TMEM63A: variants seen among roughly 807,000 people sequenced by gnomAD.
The protein encoded by TMEM63A is transmembrane protein 63A, also known as mechanosensitive cation channel TMEM63A.
In TMEM63A, 76 loss-of-function variants were observed where a neutral mutation model predicts 100.6. The ratio of observed to expected loss-of-function variants is 0.76; its 90% CI spans 0.63 to 0.91. TMEM63A has a LOEUF of 0.91. TMEM63A is among the 40% of genes least tolerant of loss of function. The probability of loss-of-function intolerance (pLI) is 0.00; values close to 1 mark genes in which losing one functional copy is unlikely to be tolerated. For synonymous variants in TMEM63A, 401 were observed against 401.1 expected (o/e 1.00, Z 0.00); for missense variants, 876 against 1,008.8 (o/e 0.87, Z 1.78).
At chr1:225,860,474 G>A (rs1354680502) in intron 14 of TMEM63A, 1 of 161,072 alleles carries the variant, frequency 6.2e-6, no homozygotes, top group East Asian at 1.8e-4. Flanking sequence ...GTGAAAAAGA[G>A]AATGTAAAAC....
At position 225,849,897 on chromosome 1, in the gene TMEM63A, A is replaced by G; in HGVS notation, c.2071+15T>C. 1.2e-6 allele frequency: 2 copies of G among 1,612,808 alleles called. No individual in the cohort carries two copies. The highest frequency in any genetic ancestry group is 1.7e-6 in the Non-Finnish European group (2 of 1,179,370). ...GGAGGCCAAGGGCTGGCCCCAGGTC[A>G]GAAGGGCTGCTCACCCAGGCGCAGG... On this transcript the variant is annotated intron_variant, in intron 21 of 24. Coordinates refer to ENST00000366835, the MANE Select transcript of TMEM63A (RefSeq NM_014698.3).
At chr1:225,871,719 A>C (rs963280411) in intron 5 of TMEM63A, 1 of 433,304 alleles carries the variant, frequency 2.3e-6, no homozygotes, top group Non-Finnish European at 4.1e-6. Context: ...CTGTCATACA[A>C]AGCCATAGGT....
chr1:225,869,220 C>G (rs1670370423), intron 6 of TMEM63A, among the ~76,000 whole-genome samples: 1 of 152,230 alleles, frequency 6.6e-6, no homozygotes, highest in African/African-American at 2.4e-5. Flanking sequence ...ATCAGCTTAG[C>G]AGGGGCTCAA....
At chr1:225,878,614 G>A (rs1670931738) in intron 2 of TMEM63A, among the ~76,000 whole-genome samples, 2 of 152,152 alleles carry the variant, frequency 1.3e-5, no homozygotes, top group Admixed American at 1.3e-4. Context: ...TGTGGCTGAA[G>A]GGCCAGAACA....
chr1:225,872,594 T>G (rs1670563949), intron 4 of TMEM63A, among the ~76,000 whole-genome samples: 1 of 152,172 alleles, frequency 6.6e-6, no homozygotes, highest in Admixed American at 6.5e-5. Flanking sequence ...TTGTGGCATT[T>G]TAATCAGATC....
chr1:225,857,120 G>T, intron 15 of TMEM63A, 103 bp from the exon 16 acceptor site: 1 of 1,013,566 alleles, frequency 9.9e-7, no homozygotes, highest in Non-Finnish European at 1.4e-6. Flanking sequence ...TCCCAGGGTA[G>T]GAGTTTGTCA....
intron 3 of TMEM63A, among the ~76,000 whole-genome samples, chr1:225,876,526 C>T (rs569294754): frequency 6.6e-6 from 1 of 152,304 alleles, no homozygotes; most frequent in East Asian, 1.9e-4. Flanking sequence ...AGCCAGCCAA[C>T]GTTGAGTCTG....
chr1:225,867,389 T>C lies in TMEM63A; in HGVS notation c.515-226A>G, dbSNP rs1316491621. ...CCTTCCATTGCAGGTAAAGGCATAA[T>C]GTGAATTCATTTTGTTTTGAGAAAA... On this transcript the variant is annotated intron_variant, in intron 7 of 24. Transcript: ENST00000366835. The surrounding 1 kb of genome is among the most constrained non-coding windows in gnomAD (Gnocchi z 4.6). 1.3e-5 allele frequency among the ~76,000 whole-genome samples: 2 copies of C among 152,180 alleles called. No individual in the cohort carries two copies. The highest frequency in any genetic ancestry group is 4.8e-5 in the African/African-American group (2 of 41,440).
intron 2 of TMEM63A, 25 bp from the exon 3 acceptor site, chr1:225,877,619 G>C: frequency 6.3e-7 from 1 of 1,583,486 alleles, no homozygotes; most frequent in Non-Finnish European, 8.6e-7. Flanking sequence ...AACAGGACAA[G>C]GCAGACGTTC....
At chr1:225,866,405 T>A (rs1236131610) in intron 9 of TMEM63A, 169 bp downstream of exon 9, 2 of 610,202 alleles carry the variant, frequency 3.3e-6, no homozygotes, top group East Asian at 2.9e-5. Context: ...AGGAAACTGT[T>A]TTTTTTAAAG....
chr1:225,879,884 G>C (rs1576123475), intron 1 of TMEM63A, among the ~76,000 whole-genome samples: 1 of 152,206 alleles, frequency 6.6e-6, no homozygotes, highest in Non-Finnish European at 1.5e-5. Flanking sequence ...ATGTGAAGTG[G>C]AAAGAAAAAA....
intron 20 of TMEM63A, 40 bp downstream of exon 20, chr1:225,852,624 T>C (rs781271951): frequency 1.3e-6 from 2 of 1,596,054 alleles, no homozygotes; most frequent in Non-Finnish European, 1.7e-6. Context: ...CAGCCGTCCA[T>C]GTACCCATGT....
rs898254103 is a variant in TMEM63A at position 225,866,574 on chromosome 1, C to T, written c.675G>A (p.Leu225=). 6.2e-7 allele frequency: 1 copy of T among 1,613,744 alleles called. No individual in the cohort carries two copies. The highest frequency in any genetic ancestry group is 8.5e-7 in the Non-Finnish European group (1 of 1,179,754). The part of the protein sequence containing the change: ...TQSIKYKEEN[L]VRRTLFITGL... ...TGTCCCTAAGTCCCGCCTCACTCACCAGGTTCTCCTCTTTGTACTTAATGG... is the reference window on the plus strand; with the variant it reads ...TGTCCCTAAGTCCCGCCTCACTCACTAGGTTCTCCTCTTTGTACTTAATGG... Residue 225 remains leucine, a splice_region_variant and synonymous_variant, in exon 9 of 25, where the codon CTG becomes CTA. Transcript: ENST00000366835.
rs1669045110 is a variant in TMEM63A at position 225,847,128 on chromosome 1, G to A, written c.2336C>T (p.Ala779Val). ...PQQQQQQTYG[A>V]IHNISGTIPG... Reference sequence around the variant, plus strand: ...GATAGTCCCGCTGATGTTGTGGATGGCACCATAGGTCTGCTGCTGCTGCTG... The same window carrying A: ...GATAGTCCCGCTGATGTTGTGGATGACACCATAGGTCTGCTGCTGCTGCTG... Residue 779 changes from alanine (A) to valine (V), a missense_variant, in exon 24 of 25, where the codon GCC (alanine) becomes GTC (valine). Around this residue, in one of 5 missense-constraint regions of TMEM63A, gnomAD observed 339 missense variants for 342.3 expected, o/e 0.99. Coordinates refer to ENST00000366835, the MANE Select transcript of TMEM63A (RefSeq NM_014698.3). The A allele has an allele frequency of 6.2e-7, 1 of 1,613,800 alleles. No individual in the cohort carries two copies. The highest frequency in any genetic ancestry group is 8.5e-7 in the Non-Finnish European group (1 of 1,180,036).
In TMEM63A at chr1:225,862,385, GC is replaced by G; in HGVS notation, c.952-35del. ...AGACACATCCCATTGGGATGACGTG[GC>G]CCCATGCTGGTATCTGGGGCACCCC... On this transcript the variant is annotated intron_variant, in intron 12 of 24. Coordinates refer to ENST00000366835, the MANE Select transcript of TMEM63A (RefSeq NM_014698.3). This position sits in a 1 kb window ranked among gnomAD's most constrained non-coding sequence, Gnocchi z 5.1. 1 of 1,614,036 alleles carries G rather than the reference GC, an allele frequency of 6.2e-7. No homozygotes were observed. Among genetic ancestry groups the G allele is most frequent in the Non-Finnish European group, 8.5e-7 (1 of 1,179,908 alleles).
chr1:225,845,417 C>A (rs1198059240), downstream of TMEM63A: 1 of 1,488,154 alleles, frequency 6.7e-7, no homozygotes, highest in East Asian at 2.5e-5. Flanking sequence ...GGGAAGATAC[C>A]CCTTTTCTGA....
chr1:225,847,484 T>C (rs1669077039), intron 23 of TMEM63A: 4 of 364,600 alleles, frequency 1.1e-5, no homozygotes, highest in Non-Finnish European at 2.0e-5. Context: ...CTAAACTTCC[T>C]AGCCCTGGAT....
At position 225,853,705 on chromosome 1, in the gene TMEM63A, C is replaced by T. The variant is rs369519987; in HGVS notation, c.1721G>A (p.Arg574Gln). Residue 574 changes from arginine to glutamine, a missense_variant, in exon 19 of 25, where the codon CGG becomes CAG. Arg to Gln is a conservative substitution (Grantham distance 43). Around this residue, in one of 5 missense-constraint regions of TMEM63A, gnomAD observed 339 missense variants for 342.3 expected, o/e 0.99. Coordinates refer to ENST00000366835, the MANE Select transcript of TMEM63A (RefSeq NM_014698.3). The surrounding 1 kb of genome is among the most constrained non-coding windows in gnomAD (Gnocchi z 4.0). ...GGTATAGAGGATGAGACCTGGCAGC[C>T]GCAGCAGCTCCATGCCATTGCCGAT... is the stretch of plus-strand genomic sequence containing the variant. ...AFIGNGMELLRLPGLILYTFR... is the reference protein window; with the variant it reads ...AFIGNGMELLQLPGLILYTFR... 1.6e-4 allele frequency: 252 copies of T among 1,594,274 alleles called. No individual in the cohort carries two copies. The highest frequency in any genetic ancestry group is 1.8e-4 in the Non-Finnish European group (208 of 1,170,470).
At chr1:225,845,114 C>G, downstream of TMEM63A, 1 of 1,612,456 alleles carries the variant, frequency 6.2e-7, no homozygotes, top group East Asian at 2.2e-5. Context: ...AGGGCCACAG[C>G]CTCACCCCTC....
Sources: allele counts gnomAD v4.1 joint callset (sites outside exome capture counted in the v4.1 genomes callset), GRCh38; gene constraint gnomAD v4.1.1; regional missense constraint gnomAD v4.1.1; non-coding constraint Gnocchi (gnomAD v3.1); transcripts MANE v1.5; gene names NCBI Gene and HGNC (gene_info 2026-07-23, HGNC 2026-07-21).